The following NAA11 variants were observed in gnomAD, a reference collection of about 807,000 sequenced individuals.
NAA11 encodes the protein N-alpha-acetyltransferase 11, NatA catalytic subunit.
NAA11 carries 15 observed loss-of-function variants against 16.1 expected under a neutral mutation model. The observed-to-expected ratio is 0.93, with a 90% CI of 0.62 to 1.44. The LOEUF (loss-of-function observed/expected upper bound fraction) is 1.44, where lower values mean the gene tolerates loss of function less well. Among genes scored for constraint, NAA11 ranks in the 40% most tolerant of loss-of-function variants. NAA11 has a pLI of 0.00. For missense variants in NAA11, 298 were observed against 291.3 expected, an observed-to-expected ratio of 1.02 and a Z score of -0.17; for synonymous variants, 122 against 112.4, an observed-to-expected ratio of 1.09 and a Z score of -0.54.
At chr4:79,235,438 A>T (rs1372030756) in intron 2 of NAA11, among the ~76,000 whole-genome samples, 1 of 152,148 alleles carries the variant, frequency 6.6e-6, no homozygotes, top group African/African-American at 2.4e-5. Flanking sequence ...AAATACCCAT[A>T]TAAACCAATT....
At chr4:79,177,413 A>C in the NAA11 span, among the ~76,000 whole-genome samples, 1 of 151,908 alleles carries the variant, frequency 6.6e-6, no homozygotes, top group Non-Finnish European at 1.5e-5. Flanking sequence ...TCAAAAAAAA[A>C]AAACCATAAA....
the NAA11 span, among the ~76,000 whole-genome samples, chr4:79,181,124 A>G: frequency 6.6e-6 from 1 of 152,014 alleles, no homozygotes; most frequent in Non-Finnish European, 1.5e-5. Flanking sequence ...GGTATACCTA[A>G]TGTAAATGAC....
At chr4:79,231,333 A>G (rs1420396644) in intron 2 of NAA11, among the ~76,000 whole-genome samples, 1 of 151,950 alleles carries the variant, frequency 6.6e-6, no homozygotes, top group Non-Finnish European at 1.5e-5. Context: ...TGGAAGAGGT[A>G]CTGGATTGGC....
At chr4:79,213,551 C>T in the NAA11 span, among the ~76,000 whole-genome samples, 1 of 98,240 alleles carries the variant, frequency 1.0e-5, no homozygotes, top group African/African-American at 2.8e-5. Context: ...TTATATGACT[C>T]ATATAAAATG....
chr4:79,187,843 A>G, the NAA11 span, among the ~76,000 whole-genome samples: 2,284 of 151,708 alleles, frequency 0.015, 35 homozygotes, highest in African/African-American at 0.036. Context: ...AAAAAATACA[A>G]AAAAAATTAG....
chr4:79,167,274 G>T, the NAA11 span, among the ~76,000 whole-genome samples: 8,072 of 118,318 alleles, frequency 0.068, 552 homozygotes, highest in African/African-American at 0.22. Flanking sequence ...TATATATAGA[G>T]AGAGAGAGAG....
At chr4:79,156,302 A>G in the NAA11 span, among the ~76,000 whole-genome samples, 1 of 144,002 alleles carries the variant, frequency 6.9e-6, no homozygotes, top group South Asian at 2.3e-4. Context: ...TTATAGAACC[A>G]ATGGGATGTG....
At chr4:79,173,289 CT>C in the NAA11 span, among the ~76,000 whole-genome samples, 1 of 151,982 alleles carries the variant, frequency 6.6e-6, no homozygotes, top group Non-Finnish European at 1.5e-5. Flanking sequence ...ATTCAATCAG[CT>C]ATGTGTTGAA....
chr4:79,202,639 A>ATATATATATATATATATATATATATATC, the NAA11 span, among the ~76,000 whole-genome samples: 1 of 119,708 alleles, frequency 8.4e-6, no homozygotes, highest in Non-Finnish European at 1.8e-5. Context: ...ATATATATAT[A>ATATATATATATATATATATATATATATC]TATATATATA....
intron 1 of NAA11, chr4:79,305,148 A>G (rs1723537560): frequency 6.6e-6 from 1 of 152,184 alleles, no homozygotes; most frequent in South Asian, 2.1e-4. Context: ...GGACTGACCC[A>G]TGTCTTTTCT....
the NAA11 span, among the ~76,000 whole-genome samples, chr4:79,201,509 A>G: frequency 6.6e-6 from 1 of 151,694 alleles, no homozygotes; most frequent in African/African-American, 2.4e-5. Flanking sequence ...CAGTTTATGT[A>G]CCAGGATGTT....
chr4:79,180,029 G>A, the NAA11 span, among the ~76,000 whole-genome samples: 2 of 152,114 alleles, frequency 1.3e-5, no homozygotes, highest in Admixed American at 1.3e-4. Flanking sequence ...CAGCATGGGG[G>A]AAACTGCCCC....
At chr4:79,311,029 A>G (rs889437783) in intron 1 of NAA11, among the ~76,000 whole-genome samples, 1 of 111,300 alleles carries the variant, frequency 9.0e-6, no homozygotes, top group Non-Finnish European at 1.9e-5. Flanking sequence ...GACAGTGTGT[A>G]TGGTGTCCTG....
chr4:79,287,530 T>C (rs1011644623), intron 2 of NAA11, among the ~76,000 whole-genome samples: 2 of 152,146 alleles, frequency 1.3e-5, no homozygotes, highest in Non-Finnish European at 2.9e-5. Flanking sequence ...TTTAGCAAAT[T>C]GAGGCTGAGG....
At chr4:79,184,871 T>A in the NAA11 span, among the ~76,000 whole-genome samples, 1 of 152,202 alleles carries the variant, frequency 6.6e-6, no homozygotes, top group East Asian at 1.9e-4. Context: ...ACTAATTATA[T>A]CAAATTAATT....
intron 1 of NAA11, chr4:79,305,020 G>C: frequency 6.6e-6 from 1 of 152,184 alleles, no homozygotes; most frequent in East Asian, 1.9e-4. Flanking sequence ...GCACTAAGAA[G>C]CTGTCCCCAG....
the NAA11 span, among the ~76,000 whole-genome samples, chr4:79,178,342 C>T: frequency 3.9e-5 from 6 of 152,214 alleles, no homozygotes; most frequent in South Asian, 2.1e-4. Flanking sequence ...ATGATACAGA[C>T]GTTAAATTCA....
chr4:79,265,172 T>C (rs973921422), intron 2 of NAA11, among the ~76,000 whole-genome samples: 3 of 152,162 alleles, frequency 2.0e-5, no homozygotes, highest in Non-Finnish European at 4.4e-5. Flanking sequence ...TATCAACAAA[T>C]CCTATTGGCT....
the NAA11 span, chr4:79,196,051 T>A: frequency 1.3e-5 from 2 of 152,212 alleles, no homozygotes; most frequent in African/African-American, 4.8e-5. Context: ...TAAAAAAATT[T>A]ACTCCCCTTT....
Sources: gnomAD v4.1 joint callset for allele counts (sites outside exome capture counted in the v4.1 genomes callset) on GRCh38, gnomAD v4.1.1 for gene constraint, MANE v1.5 for transcripts, NCBI Gene and HGNC (gene_info 2026-07-23, HGNC 2026-07-21) for gene names.